The following SLC10A7 variants were observed in gnomAD, a reference collection of about 807,000 sequenced individuals.
SLC10A7 encodes sodium/bile acid cotransporter 7.
In SLC10A7, 29 loss-of-function variants were observed where a neutral mutation model predicts 43.2. The ratio of observed to expected loss-of-function variants is 0.67; its 90% CI spans 0.50 to 0.92. The LOEUF is 0.92. Among genes scored for constraint, SLC10A7 ranks in the 40% least tolerant of loss-of-function variants. The pLI, the probability that SLC10A7 is intolerant of heterozygous loss-of-function variation, is 0.00. For missense variants in SLC10A7, 295 were observed against 403.2 expected, an observed-to-expected ratio of 0.73 and a Z score of 2.30; for synonymous variants, 152 against 144.8, an observed-to-expected ratio of 1.05 and a Z score of -0.35.
At chr4:146,485,825 T>C (rs1361626700) in intron 4 of SLC10A7, among the ~76,000 whole-genome samples, 1 of 151,998 alleles carries the variant, frequency 6.6e-6, no homozygotes, top group African/African-American at 2.4e-5. Flanking sequence ...GGTGAAGACC[T>C]GGTTGGTGAA....
At chr4:146,427,843 A>C (rs1375759999) in intron 5 of SLC10A7, among the ~76,000 whole-genome samples, 11 of 152,166 alleles carry the variant, frequency 7.2e-5, no homozygotes, top group African/African-American at 2.7e-4. Flanking sequence ...CTGTTCTCAA[A>C]AATACAGATG....
At chr4:146,429,169 C>A (rs974158515) in intron 5 of SLC10A7, among the ~76,000 whole-genome samples, 9 of 151,910 alleles carry the variant, frequency 5.9e-5, no homozygotes, top group South Asian at 4.2e-4. Flanking sequence ...AGATTTAAAA[C>A]CTTGGAATTT....
chr4:146,480,183 A>G lies in SLC10A7; in HGVS notation c.396+23666T>C, dbSNP rs146934173. Among the ~76,000 whole-genome samples, 35 of 152,272 alleles carry G rather than the reference A, an allele frequency of 2.3e-4. No individual in the cohort carries two copies. The East Asian group carries it at 6.8e-3, about 29-fold the overall frequency. On this transcript the variant is annotated intron_variant, in intron 4 of 11. Transcript: ENST00000335472. ...TTGTTATTAATATAACTATTAAGTT[A>G]TATTAGACTCAAAAAGTAATTCAGC...
At chr4:146,352,929 A>C (rs1215145954) in intron 5 of SLC10A7, among the ~76,000 whole-genome samples, 7 of 142,586 alleles carry the variant, frequency 4.9e-5, no homozygotes, top group Non-Finnish European at 1.1e-4. Flanking sequence ...CTACAAGAGA[A>C]AGCAGGAAAG....
At chr4:146,444,879 C>T (rs1027661713) in intron 4 of SLC10A7, among the ~76,000 whole-genome samples, 2 of 152,188 alleles carry the variant, frequency 1.3e-5, no homozygotes, top group African/African-American at 4.8e-5. Context: ...GGCTCAACAG[C>T]AACCGATAAT....
At position 146,336,638 on chromosome 4, in the gene SLC10A7, G is replaced by A. The variant is rs559218583; in HGVS notation, c.436-10642C>T. Among the ~76,000 whole-genome samples, 13 of 152,070 alleles carry A rather than the reference G, an allele frequency of 8.5e-5. No individual in the cohort carries two copies. The South Asian group carries it at 1.0e-3, about 12-fold the overall frequency. ...ATTTGTCTGGGCCAGCAGATAGTCC[G>A]CCTATCTTGGACCTGCTTTCCTTTG... On this transcript the variant is annotated intron_variant, in intron 5 of 11. Coordinates refer to ENST00000335472, the MANE Select transcript of SLC10A7 (RefSeq NM_001029998.6).
chr4:146,269,235 A>G (rs1426824242), intron 10 of SLC10A7, among the ~76,000 whole-genome samples: 3 of 152,230 alleles, frequency 2.0e-5, no homozygotes, highest in Non-Finnish European at 4.4e-5. Flanking sequence ...AGGTGCTGAC[A>G]ATGAAAGATT....
intron 5 of SLC10A7, among the ~76,000 whole-genome samples, chr4:146,380,589 A>G (rs1737543720): frequency 6.6e-6 from 1 of 152,112 alleles, no homozygotes; most frequent in Admixed American, 6.6e-5. Flanking sequence ...CCTACTACAT[A>G]TGGGGCACTA....
At chr4:146,517,007 T>C (rs778591341) in intron 2 of SLC10A7, 31 bp downstream of exon 2, 1 of 1,512,428 alleles carries the variant, frequency 6.6e-7, no homozygotes, top group Non-Finnish European at 9.0e-7. Flanking sequence ...TTTTTCTCCC[T>C]GCTTTTCATG....
intron 4 of SLC10A7, among the ~76,000 whole-genome samples, chr4:146,457,379 C>T (rs1174208358): frequency 6.6e-6 from 1 of 151,912 alleles, no homozygotes; most frequent in Non-Finnish European, 1.5e-5. Flanking sequence ...CCTTGTGTTA[C>T]AAACAACCCA....
At chr4:146,429,749 T>C (rs1311084606) in intron 5 of SLC10A7, among the ~76,000 whole-genome samples, 1 of 151,948 alleles carries the variant, frequency 6.6e-6, no homozygotes, top group Non-Finnish European at 1.5e-5. Flanking sequence ...GCTGGAGAAA[T>C]TGCTTTTGAG....
At chr4:146,260,422 T>A (rs1221189567) in intron 10 of SLC10A7, among the ~76,000 whole-genome samples, 1 of 152,154 alleles carries the variant, frequency 6.6e-6, no homozygotes, top group Non-Finnish European at 1.5e-5. Context: ...TCATGATATT[T>A]TGTCCCTAAA....
chr4:146,512,537 T>C (rs1337563581), intron 2 of SLC10A7, among the ~76,000 whole-genome samples: 1 of 152,202 alleles, frequency 6.6e-6, no homozygotes, highest in African/African-American at 2.4e-5. Context: ...TGGAGTGTTA[T>C]GAGCTATTAA....
intron 1 of SLC10A7, among the ~76,000 whole-genome samples, chr4:146,518,136 A>G (rs1032017246): frequency 6.6e-6 from 1 of 152,218 alleles, no homozygotes; most frequent in Non-Finnish European, 1.5e-5. Flanking sequence ...GTGAGTGGAT[A>G]TAAGTATCAT....
chr4:146,466,044 A>G (rs1732999547), intron 4 of SLC10A7, among the ~76,000 whole-genome samples: 1 of 152,056 alleles, frequency 6.6e-6, no homozygotes, highest in Non-Finnish European at 1.5e-5. Context: ...TGTGTTTTAG[A>G]AAAAAAAGTG....
chr4:146,412,398 G>A, intron 5 of SLC10A7, among the ~76,000 whole-genome samples: 1 of 152,132 alleles, frequency 6.6e-6, no homozygotes, highest in East Asian at 1.9e-4. Flanking sequence ...TGCAAAGAAA[G>A]AAAGCCATTA....
intron 4 of SLC10A7, among the ~76,000 whole-genome samples, chr4:146,495,625 C>T (rs1004695865): frequency 1.3e-5 from 2 of 152,102 alleles, no homozygotes; most frequent in Admixed American, 6.6e-5. Flanking sequence ...AGATAGAAAA[C>T]CTTTTTTAAA....
At chr4:146,289,195 GCCT>G (rs1730236865) in intron 9 of SLC10A7, among the ~76,000 whole-genome samples, 2 of 152,254 alleles carry the variant, frequency 1.3e-5, no homozygotes, top group South Asian at 4.2e-4. Context: ...AGGCTTAGTT[GCCT>G]CCTCTGAAAT....
chr4:146,420,349 T>C (rs1728877325), intron 5 of SLC10A7, among the ~76,000 whole-genome samples: 1 of 152,222 alleles, frequency 6.6e-6, no homozygotes, highest in Non-Finnish European at 1.5e-5. Context: ...TCTCTTTATG[T>C]TTCTTGAATT....
Sources: gnomAD v4.1 joint callset for allele counts (sites outside exome capture counted in the v4.1 genomes callset) on GRCh38, gnomAD v4.1.1 for gene constraint, MANE v1.5 for transcripts, NCBI Gene and HGNC (gene_info 2026-07-23, HGNC 2026-07-21) for gene names.